Variants in FER1L6 observed in about 807,000 individuals in gnomAD.
The protein encoded by FER1L6 is fer-1 like family member 6, also known as fer-1-like protein 6.
Under a neutral mutation model 219.2 loss-of-function variants are expected in FER1L6, and 177 were observed. The observed-to-expected ratio is 0.81, with a 90% confidence interval of 0.71 to 0.91. The LOEUF (loss-of-function observed/expected upper bound fraction) is 0.91. FER1L6 is among the 40% of genes least tolerant of loss of function. FER1L6 has a pLI of 0.00. For missense variants in FER1L6, 2,153 were observed against 2,259.9 expected, an observed-to-expected ratio of 0.95 and a Z score of 0.96; for synonymous variants, 768 against 824.3, an observed-to-expected ratio of 0.93 and a Z score of 1.17.
intron 18 of FER1L6, among the ~76,000 whole-genome samples, chr8:124,026,844 A>G (rs1443795238): frequency 6.6e-6 from 1 of 152,038 alleles, no homozygotes; most frequent in East Asian, 1.9e-4. Flanking sequence ...CACTAGGGCT[A>G]CTGTAACAAA....
chr8:123,943,573 C>T (rs182193211), intron 1 of FER1L6, among the ~76,000 whole-genome samples: 5 of 152,290 alleles, frequency 3.3e-5, no homozygotes, highest in South Asian at 2.1e-4. Flanking sequence ...TTCCTTCTTC[C>T]GAGACAGTGG....
intron 1 of FER1L6, among the ~76,000 whole-genome samples, chr8:123,929,345 G>C (rs1813683537): frequency 6.6e-6 from 1 of 152,154 alleles, no homozygotes; most frequent in Non-Finnish European, 1.5e-5. Context: ...CTTTATAACT[G>C]TTTGTAGACA....
intron 18 of FER1L6, among the ~76,000 whole-genome samples, chr8:124,030,825 C>T (rs1404991927): frequency 4.6e-5 from 7 of 152,150 alleles, no homozygotes; most frequent in Non-Finnish European, 7.3e-5. Flanking sequence ...AACTCCAACA[C>T]AGTTCATGTG....
At chr8:124,075,551 C>A (rs1821247406) in intron 31 of FER1L6, among the ~76,000 whole-genome samples, 1 of 152,132 alleles carries the variant, frequency 6.6e-6, no homozygotes, top group South Asian at 2.1e-4. Flanking sequence ...AAAAAGTACA[C>A]TCTAAAGACT....
intron 1 of FER1L6, among the ~76,000 whole-genome samples, chr8:123,879,876 G>A (rs748224268): frequency 9.2e-5 from 14 of 152,160 alleles, no homozygotes; most frequent in Non-Finnish European, 1.8e-4. Context: ...GATCTCAGAA[G>A]CTGTTTGTCC....
chr8:124,109,909 G>C (rs915678970), intron 39 of FER1L6, among the ~76,000 whole-genome samples: 1 of 152,204 alleles, frequency 6.6e-6, no homozygotes, highest in Non-Finnish European at 1.5e-5. Context: ...AGTTCTGAAA[G>C]ACTGAACATA....
At chr8:124,002,487 C>A (rs1817458558) in intron 12 of FER1L6, among the ~76,000 whole-genome samples, 1 of 152,102 alleles carries the variant, frequency 6.6e-6, no homozygotes, top group Non-Finnish European at 1.5e-5. Flanking sequence ...CTTTGGAGCT[C>A]CTTCCAAAAG....
chr8:124,030,895 G>A (rs181409888), intron 18 of FER1L6, among the ~76,000 whole-genome samples: 3 of 152,058 alleles, frequency 2.0e-5, no homozygotes, highest in Non-Finnish European at 4.4e-5. Flanking sequence ...CTTTTGAGCC[G>A]GCTGTCTTGC....
intron 26 of FER1L6, 130 bp from the exon 27 acceptor site, chr8:124,066,298 C>T: frequency 9.9e-7 from 1 of 1,010,048 alleles, no homozygotes. Flanking sequence ...GCTGCTATCA[C>T]AAAACCAGTG....
intron 16 of FER1L6, 71 bp from the exon 17 acceptor site, chr8:124,021,479 C>T: frequency 6.3e-7 from 1 of 1,593,802 alleles, no homozygotes; most frequent in South Asian, 1.1e-5. Flanking sequence ...CTTCAGGTCT[C>T]TTCAGCAACA....
intron 39 of FER1L6, 38 bp from the exon 40 acceptor site, chr8:124,118,806 T>C (rs1291304225): frequency 1.3e-6 from 2 of 1,596,948 alleles, no homozygotes; most frequent in Non-Finnish European, 1.7e-6. Context: ...CAGTGGGTCT[T>C]TGTGACTGGA....
At chr8:124,069,271 C>A in intron 28 of FER1L6, 89 bp from the exon 29 acceptor site, 2 of 969,792 alleles carry the variant, frequency 2.1e-6, no homozygotes, top group Non-Finnish European at 3.3e-6. Flanking sequence ...CAACATAGGA[C>A]ATGTCAGCAA....
At chr8:123,887,938 C>A (rs1346139383) in intron 1 of FER1L6, among the ~76,000 whole-genome samples, 1 of 152,044 alleles carries the variant, frequency 6.6e-6, no homozygotes, top group Non-Finnish European at 1.5e-5. Flanking sequence ...TTAAAGAAAT[C>A]TGGCTAATTA....
chr8:123,940,490 A>G (rs1586491178), intron 1 of FER1L6, among the ~76,000 whole-genome samples: 1 of 152,236 alleles, frequency 6.6e-6, no homozygotes, highest in East Asian at 1.9e-4. Flanking sequence ...GGCACGTGCC[A>G]CCAAGCCTGG....
chr8:124,021,773 C>A, intron 17 of FER1L6, 104 bp downstream of exon 17: 2 of 1,419,748 alleles, frequency 1.4e-6, no homozygotes, highest in Non-Finnish European at 1.9e-6. Flanking sequence ...ATGTTTTTCT[C>A]CCCAGCCCTA....
chr8:123,935,097 T>C (rs1467841858), intron 1 of FER1L6, among the ~76,000 whole-genome samples: 2 of 152,234 alleles, frequency 1.3e-5, no homozygotes, highest in Non-Finnish European at 2.9e-5. Flanking sequence ...AGCTAATTAA[T>C]GATCACTATA....
rs1563779587 is a variant in FER1L6, at chr8:124,069,440, A to G, written c.3799A>G (p.Lys1267Glu). 1 of 1,611,542 alleles carries G rather than the reference A, an allele frequency of 6.2e-7. No homozygotes were observed. The change falls in exon 29 of 41, where the codon AAA becomes GAA. Residue 1267 changes from lysine (K) to glutamate (E), a missense_variant. Transcript: ENST00000522917. ...AGACAAAATGCTCAAGAAGAAACCCAAAGATGATGGAATCCCCAACCTGGC... is the reference window on the plus strand; with the variant it reads ...AGACAAAATGCTCAAGAAGAAACCCGAAGATGATGGAATCCCCAACCTGGC... Reference protein sequence around the residue: ...KKDKMLKKKPKDDGIPNLAIL... With the variant: ...KKDKMLKKKPEDDGIPNLAIL...
At chr8:123,959,459 T>G (rs1815171301) in intron 2 of FER1L6, among the ~76,000 whole-genome samples, 1 of 152,212 alleles carries the variant, frequency 6.6e-6, no homozygotes, top group Non-Finnish European at 1.5e-5. Flanking sequence ...TGGCATTCCT[T>G]CTGGCAGCTC....
chr8:123,932,109 TTTATTA>T (rs1586480460), intron 1 of FER1L6, among the ~76,000 whole-genome samples: 1 of 152,212 alleles, frequency 6.6e-6, no homozygotes, highest in African/African-American at 2.4e-5. Context: ...TTTATTTTAT[TTTATTA>T]TTATTATTTT....
Sources: gnomAD v4.1 joint callset for allele counts (sites outside exome capture counted in the v4.1 genomes callset) on GRCh38, gnomAD v4.1.1 for gene constraint, MANE v1.5 for transcripts, NCBI Gene and HGNC (gene_info 2026-07-23, HGNC 2026-07-21) for gene names.